The following FNTB variants were observed in gnomAD, a reference collection of about 807,000 sequenced individuals.
The protein encoded by FNTB is farnesyltransferase, CAAX box, subunit beta, also known as protein farnesyltransferase subunit beta.
In FNTB, 27 loss-of-function variants were observed where a neutral mutation model predicts 59.4. The observed-to-expected ratio is 0.45, with a 90% CI of 0.34 to 0.63. The LOEUF (loss-of-function observed/expected upper bound fraction) is 0.63. FNTB is among the 20% of genes least tolerant of loss of function. The pLI, the probability that FNTB is intolerant of heterozygous loss-of-function variation, is 0.02. For synonymous variants in FNTB, 230 were observed against 220.7 expected, an observed-to-expected ratio of 1.04 and a Z score of -0.37; for missense variants, 449 against 559.6, an observed-to-expected ratio of 0.80 and a Z score of 1.99.
rs895439446 is a variant in FNTB, at chr14:64,997,237, A to G, written c.145-7012A>G. 6.6e-6 allele frequency among the ~76,000 whole-genome samples: 1 copy of G among 152,178 alleles called. No individual in the cohort carries two copies. The highest frequency in any genetic ancestry group is 2.4e-5 in the African/African-American group (1 of 41,448). ...AATTACTCCTGTAGATAACATCCCA[A>G]TTGCAGAACCTAAGATTGGCTGTTT... On this transcript the variant is annotated intron_variant, in intron 1 of 11. Coordinates refer to ENST00000246166, the MANE Select transcript of FNTB (RefSeq NM_002028.4). The surrounding 1 kb of genome is among the most constrained non-coding windows in gnomAD (Gnocchi z 4.5).
chr14:64,987,267 G>A, intron 1 of FNTB, 170 bp downstream of exon 1: 3 of 756,392 alleles, frequency 4.0e-6, no homozygotes, highest in Non-Finnish European at 6.3e-6. Context: ...GCTTCGTCGT[G>A]GAGCGTTTGC....
chr14:65,037,906 A>G (rs2062250007), intron 7 of FNTB, among the ~76,000 whole-genome samples: 1 of 151,450 alleles, frequency 6.6e-6, no homozygotes. Flanking sequence ...CAGCCTCCCA[A>G]GTAGCTGGGA....
intron 1 of FNTB, among the ~76,000 whole-genome samples, chr14:64,999,495 A>G (rs1459551721): frequency 1.3e-5 from 2 of 152,214 alleles, no homozygotes; most frequent in East Asian, 1.9e-4. Context: ...ACTGGATTTG[A>G]TGCTTAAGAG....
chr14:65,058,075 T>C (rs1289571230), intron 11 of FNTB, among the ~76,000 whole-genome samples: 1 of 152,126 alleles, frequency 6.6e-6, no homozygotes, highest in African/African-American at 2.4e-5. Flanking sequence ...TTTATTGGAA[T>C]TGCACTACAT....
At position 65,014,492 on chromosome 14, in the gene FNTB, C is replaced by T. The variant is rs946698000; in HGVS notation, c.283-1133C>T. ...TGCTCTCTTCCCCTACAGGTAACCA[C>T]ACACATTCTATATCCCAAGCATCTC... On this transcript the variant is annotated intron_variant, in intron 3 of 11. Coordinates refer to ENST00000246166, the MANE Select transcript of FNTB (RefSeq NM_002028.4). This position sits in a 1 kb window ranked among gnomAD's most constrained non-coding sequence, Gnocchi z 5.1. Among the ~76,000 whole-genome samples the T allele has an allele frequency of 6.6e-6, 1 of 152,164 alleles. No homozygotes were observed. Among genetic ancestry groups the T allele is most frequent in the Non-Finnish European group, 1.5e-5 (1 of 68,038 alleles).
chr14:65,004,745 C>A (rs181688493), intron 2 of FNTB, among the ~76,000 whole-genome samples: 2 of 152,132 alleles, frequency 1.3e-5, no homozygotes, highest in African/African-American at 4.8e-5. Context: ...TCTCTGGAAC[C>A]TTCGCCTCAT....
At chr14:65,034,788 T>C (rs2062153191) in intron 7 of FNTB, among the ~76,000 whole-genome samples, 1 of 152,230 alleles carries the variant, frequency 6.6e-6, no homozygotes, top group Non-Finnish European at 1.5e-5. Flanking sequence ...CATCTGTGTG[T>C]CCTGGAGTTG....
chr14:65,049,513 G>A (rs1000921010), intron 9 of FNTB, among the ~76,000 whole-genome samples: 1 of 152,192 alleles, frequency 6.6e-6, no homozygotes. Context: ...TTGTGATTAT[G>A]TGTGCTGGTG....
rs148623550 is a variant in FNTB at position 65,037,882 on chromosome 14, C to T, written c.693-2908C>T. ...GCAACCTCTTTCTCCCAGGTTCAAGCGATTCTCCTGCCTCAGCCTCCCAAG... is the reference window on the plus strand; with the variant it reads ...GCAACCTCTTTCTCCCAGGTTCAAGTGATTCTCCTGCCTCAGCCTCCCAAG... On this transcript the variant is annotated intron_variant, in intron 7 of 11. Transcript: ENST00000246166. Among the ~76,000 whole-genome samples, 1,073 of 151,308 alleles carry T rather than the reference C, an allele frequency of 7.1e-3. 14 individuals carry two copies. The highest frequency in any genetic ancestry group is 0.025 in the African/African-American group (1,011 of 41,234).
chr14:65,057,089 C>T (rs1850419386), intron 11 of FNTB, among the ~76,000 whole-genome samples: 1 of 152,222 alleles, frequency 6.6e-6, no homozygotes, highest in Non-Finnish European at 1.5e-5. Flanking sequence ...AGCTCACGCA[C>T]TACTGCAAGA....
intron 7 of FNTB, among the ~76,000 whole-genome samples, chr14:65,037,402 CCT>C (rs1468252356): frequency 0.016 from 235 of 14,536 alleles, 115 homozygotes; most frequent in South Asian, 0.03. Context: ...CACGCCGGGC[CCT>C]TTTTTTTTTT....
Position 65,031,980 on chromosome 14 carries a change from G to A in FNTB, c.606-630G>A, listed in dbSNP as rs1333178193. ...TAGACGTGCGCCTTTTTCATTTAAC[G>A]TGTGTGTGTGTGTGTGTGTGTGTGT... On this transcript the variant is annotated intron_variant, in intron 6 of 11. Transcript: ENST00000246166. The surrounding 1 kb of genome is among the most constrained non-coding windows in gnomAD (Gnocchi z 4.6). 1.7e-4 allele frequency among the ~76,000 whole-genome samples: 5 copies of A among 28,918 alleles called. No homozygotes were observed. The East Asian group carries it at 2.0e-3, about 11-fold the overall frequency. The allele number at this position is 28,918 out of a possible 152,430, so 19.0% of individuals were successfully genotyped here. A position where few individuals can be genotyped will look rare whatever the true frequency, so the allele number is the denominator to read the frequency against.
intron 4 of FNTB, among the ~76,000 whole-genome samples, chr14:65,024,250 T>A (rs1363230324): frequency 6.6e-6 from 1 of 152,018 alleles, no homozygotes; most frequent in African/African-American, 2.4e-5. Context: ...GTGGGGAGTT[T>A]AAAAAAAATA....
In FNTB at chr14:65,054,828, C is replaced by A. The variant is rs2062695136; in HGVS notation, c.1182+139C>A. 1.1e-6 allele frequency: 1 copy of A among 946,410 alleles called. No homozygotes were observed. Among genetic ancestry groups the A allele is most frequent in the African/African-American group, 1.6e-5 (1 of 61,046 alleles). The allele number at this position is 946,410 out of a possible 1,614,324, so 58.6% of individuals were successfully genotyped here. ...TGGTCCCTCTGCCCTTCGAGCTGTG[C>A]AGCCGTTAGTGAGGATGTGACCACA... On this transcript the variant is annotated intron_variant, in intron 11 of 11. Coordinates refer to ENST00000246166, the MANE Select transcript of FNTB (RefSeq NM_002028.4). This position sits in a 1 kb window ranked among gnomAD's most constrained non-coding sequence, Gnocchi z 4.4.
intron 9 of FNTB, among the ~76,000 whole-genome samples, chr14:65,046,628 T>C (rs2062486329): frequency 6.6e-6 from 1 of 152,156 alleles, no homozygotes; most frequent in Non-Finnish European, 1.5e-5. Context: ...ACACAGGGCA[T>C]CTCTTGAACT....
intron 7 of FNTB, among the ~76,000 whole-genome samples, chr14:65,033,158 T>C (rs2062118454): frequency 6.6e-6 from 1 of 152,156 alleles, no homozygotes; most frequent in African/African-American, 2.4e-5. Context: ...GAATATAATG[T>C]AGCAGTGAAA....
At chr14:64,988,517 C>T (rs958840041) in intron 1 of FNTB, among the ~76,000 whole-genome samples, 2 of 150,530 alleles carry the variant, frequency 1.3e-5, no homozygotes, top group African/African-American at 4.9e-5. Flanking sequence ...TTACTGCACC[C>T]TCCGCCTCCC....
chr14:65,051,099 T>A (rs533413146), intron 9 of FNTB, among the ~76,000 whole-genome samples: 2 of 152,218 alleles, frequency 1.3e-5, no homozygotes. Flanking sequence ...GATGGGAGAT[T>A]GGATGCTTCT....
chr14:65,028,059 A>G lies in FNTB; in HGVS notation c.605+278A>G, dbSNP rs568482854. Among the ~76,000 whole-genome samples, 27 of 152,368 alleles carry G rather than the reference A, an allele frequency of 1.8e-4. 1 individual carries two copies. Among genetic ancestry groups the G allele is most frequent in the Admixed American group, 1.5e-3 (23 of 15,302 alleles). On this transcript the variant is annotated intron_variant, in intron 6 of 11. Transcript: ENST00000246166. The surrounding 1 kb of genome is among the most constrained non-coding windows in gnomAD (Gnocchi z 4.4). Reference sequence around the variant, plus strand: ...ATACATTTGTTTGGTACAAAATGATATACCACAATATAAATAACTGTATGG... The same window carrying G: ...ATACATTTGTTTGGTACAAAATGATGTACCACAATATAAATAACTGTATGG...
Sources: allele counts gnomAD v4.1 joint callset (sites outside exome capture counted in the v4.1 genomes callset), GRCh38; gene constraint gnomAD v4.1.1; non-coding constraint Gnocchi (gnomAD v3.1); transcripts MANE v1.5; gene names NCBI Gene and HGNC (gene_info 2026-07-23, HGNC 2026-07-21).